Variants in HS6ST3 observed in about 807,000 individuals in gnomAD.
The protein encoded by HS6ST3 is heparan sulfate 6-O-sulfotransferase 3.
HS6ST3 carries 12 observed loss-of-function variants against 36.7 expected under a neutral mutation model. The observed-to-expected ratio is 0.33, with a 90% CI of 0.21 to 0.53. The LOEUF is 0.53. HS6ST3 is among the 20% of genes least tolerant of loss of function. The pLI, the probability that HS6ST3 is intolerant of heterozygous loss-of-function variation, is 0.95. For missense variants in HS6ST3, 584 were observed against 640.9 expected (o/e 0.91, Z 0.96); for synonymous variants, 240 against 257.5 (o/e 0.93, Z 0.65).
intron 1 of HS6ST3, among the ~76,000 whole-genome samples, chr13:96,526,559 C>T (rs1264199536): frequency 6.6e-6 from 1 of 152,034 alleles, no homozygotes; most frequent in African/African-American, 2.4e-5. Flanking sequence ...TCCCTAGTAC[C>T]ATTGCTAGGG....
chr13:96,138,489 T>C lies in HS6ST3; in HGVS notation c.707+46920T>C, dbSNP rs185325939. On this transcript the variant is annotated intron_variant, in intron 1 of 1. Coordinates refer to ENST00000376705, the MANE Select transcript of HS6ST3 (RefSeq NM_153456.4). ...TATATACAGTTTATAAATATATATA[T>C]TTACAGTTAATAAAATTTGATACAT... Among the ~76,000 whole-genome samples, 583 of 150,658 alleles carry C rather than the reference T, an allele frequency of 3.9e-3. 2 individuals carry two copies. Among genetic ancestry groups the C allele is most frequent in the Middle Eastern group, 0.018 (5 of 282 alleles).
intron 1 of HS6ST3, among the ~76,000 whole-genome samples, chr13:96,266,595 G>A (rs1449058617): frequency 6.6e-6 from 1 of 151,990 alleles, no homozygotes; most frequent in Non-Finnish European, 1.5e-5. Context: ...AGAACAAAGG[G>A]CTGGGAGACC....
At chr13:96,797,295 G>A (rs1461368247) in intron 1 of HS6ST3, among the ~76,000 whole-genome samples, 1 of 152,040 alleles carries the variant, frequency 6.6e-6, no homozygotes, top group Non-Finnish European at 1.5e-5. Context: ...CCATCTGATG[G>A]CCAGACTGTC....
chr13:96,220,135 A>G (rs2054448281), intron 1 of HS6ST3, among the ~76,000 whole-genome samples: 1 of 152,218 alleles, frequency 6.6e-6, no homozygotes. Flanking sequence ...GTCTGGGAGC[A>G]CATTCCTTTA....
chr13:96,778,340 A>G (rs1417051655), intron 1 of HS6ST3, among the ~76,000 whole-genome samples: 22 of 152,210 alleles, frequency 1.4e-4, no homozygotes, highest in South Asian at 1.2e-3. Flanking sequence ...TAATTAAACT[A>G]AAGAGCTTCT....
intron 1 of HS6ST3, among the ~76,000 whole-genome samples, chr13:96,264,742 G>T (rs181043888): frequency 1.3e-5 from 2 of 152,286 alleles, no homozygotes; most frequent in East Asian, 3.9e-4. Flanking sequence ...GCTCTCCAAA[G>T]CAATCCAGTG....
intron 1 of HS6ST3, among the ~76,000 whole-genome samples, chr13:96,377,006 A>G (rs1020518677): frequency 2.0e-5 from 3 of 149,618 alleles, no homozygotes; most frequent in Admixed American, 1.3e-4. Context: ...TTATTGATTT[A>G]TTGATTTATT....
intron 1 of HS6ST3, among the ~76,000 whole-genome samples, chr13:96,102,991 G>A (rs529325773): frequency 3.3e-5 from 5 of 152,244 alleles, no homozygotes; most frequent in East Asian, 1.9e-4. Context: ...TTATCGGTAC[G>A]TGTTTTTCTT....
At chr13:96,398,402 C>A (rs1382058574) in intron 1 of HS6ST3, among the ~76,000 whole-genome samples, 1 of 152,162 alleles carries the variant, frequency 6.6e-6, no homozygotes, top group Non-Finnish European at 1.5e-5. Context: ...CCTGCCTCAG[C>A]CTCCCAAGTA....
At chr13:96,602,176 T>C (rs2056424060) in intron 1 of HS6ST3, among the ~76,000 whole-genome samples, 1 of 152,182 alleles carries the variant, frequency 6.6e-6, no homozygotes, top group African/African-American at 2.4e-5. Flanking sequence ...GTTTCCCTCA[T>C]TTCACAGAAT....
At chr13:96,679,180 A>G (rs1002198605) in intron 1 of HS6ST3, among the ~76,000 whole-genome samples, 2 of 150,346 alleles carry the variant, frequency 1.3e-5, no homozygotes, top group Non-Finnish European at 1.5e-5. Context: ...AGGCAATATA[A>G]TCTTCAGGTG....
chr13:96,475,612 CAAAAAAA>C (rs1251970502), intron 1 of HS6ST3, among the ~76,000 whole-genome samples: 3 of 91,580 alleles, frequency 3.3e-5, no homozygotes, highest in Admixed American at 1.2e-4. Context: ...GGAGTACTAC[CAAAAAAA>C]AAAAAAAAAA....
intron 1 of HS6ST3, among the ~76,000 whole-genome samples, chr13:96,537,308 G>A (rs2056159733): frequency 6.6e-6 from 1 of 152,130 alleles, no homozygotes; most frequent in South Asian, 2.1e-4. Flanking sequence ...CTATGATTCA[G>A]TTATCTCCCA....
intron 1 of HS6ST3, among the ~76,000 whole-genome samples, chr13:96,671,187 T>C (rs866175954): frequency 2.0e-5 from 3 of 152,128 alleles, no homozygotes; most frequent in Non-Finnish European, 4.4e-5. Context: ...TTCTCCTCAT[T>C]GTTAGGAATG....
chr13:96,760,082 T>C (rs1876928462), intron 1 of HS6ST3, among the ~76,000 whole-genome samples: 1 of 152,014 alleles, frequency 6.6e-6, no homozygotes, highest in South Asian at 2.1e-4. Context: ...TGCAATCCAA[T>C]TGTAATGTAA....
chr13:96,258,745 C>G (rs1421366182), intron 1 of HS6ST3, among the ~76,000 whole-genome samples: 1 of 152,094 alleles, frequency 6.6e-6, no homozygotes, highest in Non-Finnish European at 1.5e-5. Context: ...TATTCATTAT[C>G]TAATGAATAA....
intron 1 of HS6ST3, among the ~76,000 whole-genome samples, chr13:96,343,339 G>A (rs911836026): frequency 2.0e-5 from 3 of 152,174 alleles, no homozygotes; most frequent in Admixed American, 1.3e-4. Flanking sequence ...GGGAGAATCC[G>A]CTTTCTTGCC....
At chr13:96,170,285 G>A (rs1259687348) in intron 1 of HS6ST3, among the ~76,000 whole-genome samples, 1 of 152,204 alleles carries the variant, frequency 6.6e-6, no homozygotes, top group Non-Finnish European at 1.5e-5. Context: ...TACAGATAAG[G>A]ACACCAGGAA....
At chr13:96,698,386 T>TA (rs977258284) in intron 1 of HS6ST3, among the ~76,000 whole-genome samples, 2 of 152,226 alleles carry the variant, frequency 1.3e-5, no homozygotes, top group African/African-American at 4.8e-5. Flanking sequence ...CATCATTTTT[T>TA]ATGACTGCAT....
Sources: gnomAD v4.1 joint callset for allele counts (sites outside exome capture counted in the v4.1 genomes callset) on GRCh38, gnomAD v4.1.1 for gene constraint, MANE v1.5 for transcripts, NCBI Gene and HGNC (gene_info 2026-07-23, HGNC 2026-07-21) for gene names.